Variants in SEMA3E observed in about 807,000 individuals in gnomAD.
SEMA3E encodes semaphorin 3E.
In SEMA3E, 49 loss-of-function variants were observed where a neutral mutation model predicts 93.6. The observed-to-expected ratio is 0.52, with a 90% CI of 0.42 to 0.66. The LOEUF is 0.66. SEMA3E is among the 30% of genes least tolerant of loss of function. SEMA3E has a pLI of 0.00. For synonymous variants in SEMA3E, 363 were observed against 330.7 expected, an observed-to-expected ratio of 1.10 and a Z score of -1.06; for missense variants, 906 against 964.8, an observed-to-expected ratio of 0.94 and a Z score of 0.81.
intron 1 of SEMA3E, among the ~76,000 whole-genome samples, chr7:83,533,872 C>G (rs945607545): frequency 6.6e-6 from 1 of 152,112 alleles, no homozygotes; most frequent in Non-Finnish European, 1.5e-5. Flanking sequence ...TGCCTGCCTT[C>G]CCAGCTGTGG....
chr7:83,531,173 G>A (rs1240955281), intron 1 of SEMA3E, among the ~76,000 whole-genome samples: 2 of 151,626 alleles, frequency 1.3e-5, no homozygotes, highest in East Asian at 1.9e-4. Context: ...CCATTAAAAT[G>A]ACTCTATAAT....
intron 1 of SEMA3E, among the ~76,000 whole-genome samples, chr7:83,543,645 G>A (rs1029288787): frequency 2.0e-5 from 3 of 152,008 alleles, no homozygotes; most frequent in African/African-American, 4.8e-5. Context: ...TAACTAAAAC[G>A]GTAAAGTGAA....
intron 1 of SEMA3E, among the ~76,000 whole-genome samples, chr7:83,501,662 G>T (rs938395005): frequency 2.0e-5 from 3 of 152,122 alleles, no homozygotes; most frequent in African/African-American, 7.2e-5. Flanking sequence ...TGCCAGGCTG[G>T]TCTATTATCT....
At chr7:83,606,225 T>G (rs1562852345) in intron 1 of SEMA3E, among the ~76,000 whole-genome samples, 1 of 152,158 alleles carries the variant, frequency 6.6e-6, no homozygotes, top group Non-Finnish European at 1.5e-5. Context: ...GAGAACAAAG[T>G]AGTTAATGGT....
chr7:83,586,552 A>G (rs890465616), intron 1 of SEMA3E, among the ~76,000 whole-genome samples: 1 of 151,736 alleles, frequency 6.6e-6, no homozygotes, highest in African/African-American at 2.4e-5. Context: ...AGTTCTTTCT[A>G]GTTGTTGTAT....
At chr7:83,480,343 A>G (rs920291717) in intron 2 of SEMA3E, among the ~76,000 whole-genome samples, 2 of 152,104 alleles carry the variant, frequency 1.3e-5, no homozygotes, top group African/African-American at 2.4e-5. Context: ...CAGGAGAATC[A>G]ATTGAACCCT....
chr7:83,447,655 T>C (rs1789261969), intron 4 of SEMA3E, among the ~76,000 whole-genome samples: 1 of 152,052 alleles, frequency 6.6e-6, no homozygotes, highest in Non-Finnish European at 1.5e-5. Context: ...AACTGCAAAA[T>C]AGAAAAGATA....
At chr7:83,443,088 G>T (rs765829281) in intron 4 of SEMA3E, among the ~76,000 whole-genome samples, 1 of 152,190 alleles carries the variant, frequency 6.6e-6, no homozygotes, top group Non-Finnish European at 1.5e-5. Flanking sequence ...GCCAGAACAA[G>T]TATGATAAGA....
At chr7:83,431,870 T>C (rs1208578526) in intron 4 of SEMA3E, among the ~76,000 whole-genome samples, 1 of 152,138 alleles carries the variant, frequency 6.6e-6, no homozygotes, top group Non-Finnish European at 1.5e-5. Flanking sequence ...TTTCCAGCAT[T>C]GGCTATAACA....
chr7:83,404,671 G>A (rs1004903237), intron 9 of SEMA3E, among the ~76,000 whole-genome samples: 1 of 151,850 alleles, frequency 6.6e-6, no homozygotes, highest in African/African-American at 2.4e-5. Context: ...ACATAAAGGG[G>A]AAAACAATAG....
At position 83,628,832 on chromosome 7, in the gene SEMA3E, G is replaced by A. The variant is rs113161824; in HGVS notation, c.115+19596C>T. ...CATCCATTTTTCTTCCCTTGCTGGCGAGGAGTTGTGATCCTTTGGAGGAGA... is the reference window on the plus strand; with the variant it reads ...CATCCATTTTTCTTCCCTTGCTGGCAAGGAGTTGTGATCCTTTGGAGGAGA... On this transcript the variant is annotated intron_variant, in intron 1 of 16. Transcript: ENST00000643230. 2.0e-3 allele frequency among the ~76,000 whole-genome samples: 299 copies of A among 152,058 alleles called. 1 individual carries two copies. Among genetic ancestry groups the A allele is most frequent in the African/African-American group, 6.3e-3 (263 of 41,490 alleles).
intron 10 of SEMA3E, among the ~76,000 whole-genome samples, chr7:83,400,507 C>T (rs1487457645): frequency 1.3e-5 from 2 of 151,840 alleles, no homozygotes; most frequent in Non-Finnish European, 2.9e-5. Flanking sequence ...AGCCTAGTTC[C>T]CAATAGTTCT....
rs116284059 is a variant in SEMA3E, at chr7:83,563,985, C to T, written c.116-73711G>A. ...ATTGACCATTTCTCCATTTCTCAGC[C>T]AGTTCAACTGATTGTGCATGCAGAT... On this transcript the variant is annotated intron_variant, in intron 1 of 16. Coordinates refer to ENST00000643230, the MANE Select transcript of SEMA3E (RefSeq NM_012431.3). Among the ~76,000 whole-genome samples, 145 of 152,182 alleles carry T rather than the reference C, an allele frequency of 9.5e-4. 1 individual carries two copies. The highest frequency in any genetic ancestry group is 3.4e-3 in the African/African-American group (143 of 41,532).
chr7:83,641,393 T>C, intron 1 of SEMA3E: 5 of 985,434 alleles, frequency 5.1e-6, no homozygotes, highest in Non-Finnish European at 6.0e-6. Context: ...AAACAACACA[T>C]GCTGAGCTGA....
At chr7:83,392,475 C>A (rs1461156111) in intron 14 of SEMA3E, 80 bp downstream of exon 14, 26 of 1,438,034 alleles carry the variant, frequency 1.8e-5, no homozygotes, top group Non-Finnish European at 2.2e-5. Flanking sequence ...TTCTGGAAAA[C>A]TTCAAGTTAA....
chr7:83,528,948 CT>C (rs1285691735), intron 1 of SEMA3E, among the ~76,000 whole-genome samples: 4 of 151,932 alleles, frequency 2.6e-5, no homozygotes, highest in South Asian at 2.1e-4. Context: ...GAGGTAAATA[CT>C]TTTTAGATGA....
At chr7:83,531,120 A>C (rs1001350329) in intron 1 of SEMA3E, among the ~76,000 whole-genome samples, 16 of 151,972 alleles carry the variant, frequency 1.1e-4, no homozygotes, top group Admixed American at 2.6e-4. Flanking sequence ...TATCAATAAA[A>C]CATATTTATA....
chr7:83,482,564 C>CAAAAAAAAAAAAAAAAA (rs11429680), intron 2 of SEMA3E, among the ~76,000 whole-genome samples: 7 of 80,228 alleles, frequency 8.7e-5, no homozygotes, highest in African/African-American at 3.5e-4. Flanking sequence ...CACTCCGTCT[C>CAAAAAAAAAAAAAAAAA]AAAAAAAAAA....
intron 1 of SEMA3E, among the ~76,000 whole-genome samples, chr7:83,555,981 G>C (rs1385272605): frequency 1.3e-5 from 2 of 151,932 alleles, no homozygotes; most frequent in Non-Finnish European, 2.9e-5. Context: ...TTCTGTTTTT[G>C]CTCCATATAA....
Sources: allele counts gnomAD v4.1 joint callset (sites outside exome capture counted in the v4.1 genomes callset), GRCh38; gene constraint gnomAD v4.1.1; transcripts MANE v1.5; gene names NCBI Gene and HGNC (gene_info 2026-07-23, HGNC 2026-07-21).